Variants in SH3RF3 observed in about 807,000 individuals in gnomAD.
The protein encoded by SH3RF3 is E3 ubiquitin-protein ligase SH3RF3.
In SH3RF3, 29 loss-of-function variants were observed where a neutral mutation model predicts 66.3. The ratio of observed to expected loss-of-function variants is 0.44; its 90% confidence interval spans 0.33 to 0.60. SH3RF3 has a LOEUF of 0.60. Among genes scored for constraint, SH3RF3 ranks in the 20% least tolerant of loss-of-function variants. The probability of loss-of-function intolerance (pLI) is 0.04; values close to 1 mark genes in which losing one functional copy is unlikely to be tolerated. For synonymous variants in SH3RF3, 583 were observed against 532.0 expected, an observed-to-expected ratio of 1.10 and a Z score of -1.32; for missense variants, 1,194 against 1,190.9, an observed-to-expected ratio of 1.00 and a Z score of -0.04.
At chr2:109,132,984 A>G (rs1676731814) in intron 1 of SH3RF3, among the ~76,000 whole-genome samples, 1 of 152,242 alleles carries the variant, frequency 6.6e-6, no homozygotes, top group South Asian at 2.1e-4. Context: ...CTTGACTTAT[A>G]TTTGAGCCTA....
chr2:109,136,868 C>T (rs1241022693), intron 1 of SH3RF3, among the ~76,000 whole-genome samples: 1 of 152,098 alleles, frequency 6.6e-6, no homozygotes, highest in Non-Finnish European at 1.5e-5. Flanking sequence ...TGTGCTGCAG[C>T]CGGGCTCTCT....
chr2:109,251,329 TAGAG>T (rs1337246239), intron 1 of SH3RF3: 3 of 487,962 alleles, frequency 6.1e-6, no homozygotes, highest in African/African-American at 2.0e-5. Flanking sequence ...AACAAAGAAT[TAGAG>T]AGATGCAAGA....
intron 4 of SH3RF3, among the ~76,000 whole-genome samples, chr2:109,410,045 C>G (rs907125446): frequency 6.6e-6 from 1 of 152,174 alleles, no homozygotes; most frequent in Non-Finnish European, 1.5e-5. Context: ...CTCTTTTTTC[C>G]CTTTTAGTAA....
chr2:109,145,184 T>G (rs1049031768), intron 1 of SH3RF3, among the ~76,000 whole-genome samples: 1 of 152,208 alleles, frequency 6.6e-6, no homozygotes, highest in Non-Finnish European at 1.5e-5. Context: ...CCTGCCTTTC[T>G]GCTGCTTCTG....
intron 1 of SH3RF3, among the ~76,000 whole-genome samples, chr2:109,271,545 A>C (rs148380974): frequency 6.6e-6 from 1 of 152,368 alleles, no homozygotes; most frequent in Non-Finnish European, 1.5e-5. Flanking sequence ...GGAACCCCTC[A>C]AACTCAAGAT....
intron 1 of SH3RF3, among the ~76,000 whole-genome samples, chr2:109,342,023 C>T (rs1426384346): frequency 2.0e-5 from 3 of 152,184 alleles, no homozygotes; most frequent in South Asian, 2.1e-4. Context: ...GGGTCTCACC[C>T]GCCGGGGCCT....
chr2:109,497,838 C>A (rs970906044), intron 9 of SH3RF3, among the ~76,000 whole-genome samples: 1 of 152,250 alleles, frequency 6.6e-6, no homozygotes, highest in African/African-American at 2.4e-5. Flanking sequence ...TATTTCACAT[C>A]TGGAAGTTGA....
At chr2:109,200,826 A>G (rs1678652610) in intron 1 of SH3RF3, among the ~76,000 whole-genome samples, 1 of 152,194 alleles carries the variant, frequency 6.6e-6, no homozygotes. Flanking sequence ...TTCACAGGAC[A>G]AGAGAAAAGC....
chr2:109,352,508 A>G (rs1024323368), intron 2 of SH3RF3, among the ~76,000 whole-genome samples: 61 of 152,240 alleles, frequency 4.0e-4, no homozygotes, highest in African/African-American at 1.4e-3. Flanking sequence ...CTTCTTCCTG[A>G]CTGAGAATTG....
At chr2:109,445,342 G>A (rs1016393852) in intron 7 of SH3RF3, among the ~76,000 whole-genome samples, 1 of 152,332 alleles carries the variant, frequency 6.6e-6, no homozygotes, top group Non-Finnish European at 1.5e-5. Context: ...AAAGAGTGCT[G>A]AGTAGGAAAA....
intron 1 of SH3RF3, among the ~76,000 whole-genome samples, chr2:109,197,926 C>T (rs1436807440): frequency 6.6e-6 from 1 of 152,232 alleles, no homozygotes; most frequent in South Asian, 2.1e-4. Context: ...TAGCTGGCCC[C>T]TTGGGCAGCC....
At chr2:109,240,289 C>T (rs1052722123) in intron 1 of SH3RF3, among the ~76,000 whole-genome samples, 19 of 152,070 alleles carry the variant, frequency 1.2e-4, no homozygotes, top group African/African-American at 2.2e-4. Context: ...CACTTGAGGT[C>T]GGGAGTCCAA....
At chr2:109,318,760 C>A (rs1018643904) in intron 1 of SH3RF3, among the ~76,000 whole-genome samples, 5 of 152,174 alleles carry the variant, frequency 3.3e-5, no homozygotes, top group African/African-American at 1.2e-4. Flanking sequence ...CTCATCCAAT[C>A]TAAAGACAAA....
intron 1 of SH3RF3, among the ~76,000 whole-genome samples, chr2:109,205,214 AAATAAAT>A (rs1305240973): frequency 6.6e-6 from 1 of 152,068 alleles, no homozygotes; most frequent in Non-Finnish European, 1.5e-5. Context: ...CTCTAAAAAT[AAATAAAT>A]AATAAAATAA....
intron 3 of SH3RF3, among the ~76,000 whole-genome samples, chr2:109,375,850 C>A (rs1683369075): frequency 6.6e-6 from 1 of 152,254 alleles, no homozygotes; most frequent in South Asian, 2.1e-4. Flanking sequence ...GATGGCAGGA[C>A]CATGAGCAGC....
chr2:109,345,508 G>A (rs922176592), intron 1 of SH3RF3, among the ~76,000 whole-genome samples: 26 of 152,160 alleles, frequency 1.7e-4, no homozygotes, highest in African/African-American at 6.3e-4. Context: ...CACCCTTGTG[G>A]TTTGGGAATG....
chr2:109,129,470 T>A lies in SH3RF3; in HGVS notation c.-71T>A, dbSNP rs1676623719. 6.7e-7 allele frequency: 1 copy of A among 1,495,174 alleles called. No individual in the cohort carries two copies. Among genetic ancestry groups the A allele is most frequent in the Admixed American group, 2.1e-5 (1 of 47,866 alleles). The allele number at this position is 1,495,174 out of a possible 1,614,324, so 92.6% of individuals were successfully genotyped here. On this transcript the variant is annotated 5_prime_UTR_variant, in exon 1 of 10. Coordinates refer to ENST00000309415, the MANE Select transcript of SH3RF3 (RefSeq NM_001099289.3). ...CCGGCTCCCCAGTCCTGATGCTGGC[T>A]GCCGGTGGCGGGCTCCACGCCGGCC...
chr2:109,468,444 C>T (rs1160958065), intron 8 of SH3RF3, among the ~76,000 whole-genome samples: 1 of 152,196 alleles, frequency 6.6e-6, no homozygotes, highest in Non-Finnish European at 1.5e-5. Flanking sequence ...TTGACCAAAA[C>T]GTCCTTATGT....
intron 1 of SH3RF3, among the ~76,000 whole-genome samples, chr2:109,298,633 C>T (rs1257530506): frequency 6.6e-6 from 1 of 152,126 alleles, no homozygotes; most frequent in Non-Finnish European, 1.5e-5. Flanking sequence ...GTCAAATGCT[C>T]CTCGGAGCAC....
Sources: allele counts gnomAD v4.1 joint callset (sites outside exome capture counted in the v4.1 genomes callset), GRCh38; gene constraint gnomAD v4.1.1; transcripts MANE v1.5; gene names NCBI Gene and HGNC (gene_info 2026-07-23, HGNC 2026-07-21).